The following CCDC171 variants were observed in gnomAD, a reference collection of about 807,000 sequenced individuals.
CCDC171 encodes coiled-coil domain-containing protein 171.
CCDC171 carries 177 observed loss-of-function variants against 168.2 expected under a neutral mutation model. The observed-to-expected ratio is 1.05, with a 90% CI of 0.93 to 1.19. The LOEUF is 1.19. Among genes scored for constraint, CCDC171 ranks in the 50% most tolerant of loss-of-function variants. CCDC171 has a pLI of 0.00. For missense variants in CCDC171, 1,991 were observed against 1,539.0 expected (o/e 1.29, Z -4.91); for synonymous variants, 687 against 540.8 (o/e 1.27, Z -3.75).
chr9:16,011,363 A>G (rs1195076811), intron 3 of CCDC171, among the ~76,000 whole-genome samples: 1 of 152,212 alleles, frequency 6.6e-6, no homozygotes, highest in East Asian at 1.9e-4. Flanking sequence ...AGCTGGAATG[A>G]AAGATGCAAT....
Position 15,794,838 on chromosome 9 carries a change from T to A in CCDC171, c.3267+10144T>A, listed in dbSNP as rs1434162937. Among the ~76,000 whole-genome samples the A allele has an allele frequency of 2.6e-5, 4 of 152,232 alleles. No individual in the cohort carries two copies. The South Asian group carries it at 6.2e-4, about 24-fold the overall frequency. On this transcript the variant is annotated intron_variant, in intron 21 of 25. Coordinates refer to ENST00000380701, the MANE Select transcript of CCDC171 (RefSeq NM_173550.4). ...ACCCAATGTAGTCGTGATGATTTTT[T>A]AAAAATATATTGCTGCACCCAGTTT...
intron 23 of CCDC171, among the ~76,000 whole-genome samples, chr9:15,850,866 G>T (rs1466586975): frequency 6.6e-6 from 1 of 151,890 alleles, no homozygotes; most frequent in Admixed American, 6.6e-5. Context: ...TCATGGGATG[G>T]TAAAAATGGA....
chr9:15,778,987 A>G lies in CCDC171; in HGVS notation c.2918A>G (p.Gln973Arg). The change falls in exon 20 of 26, where the codon CAG becomes CGG. Residue 973 changes from glutamine to arginine, a missense_variant. Gln to Arg is a conservative substitution (Grantham distance 43, BLOSUM62 1). Transcript: ENST00000380701. ...CAACAGAAAAGCACAGCATCGTTGC[A>G]GAAGCAAATACTTGGATTTACACAA... ...VPITKSTASL[Q>R]KQILGFTQRL... The G allele has an allele frequency of 5.9e-6, 9 of 1,536,052 alleles. No homozygotes were observed. Among genetic ancestry groups the G allele is most frequent in the African/African-American group, 1.4e-5 (1 of 71,860 alleles).
intron 23 of CCDC171, among the ~76,000 whole-genome samples, chr9:15,870,530 A>G (rs1290052137): frequency 1.3e-5 from 2 of 151,918 alleles, no homozygotes; most frequent in African/African-American, 4.8e-5. Context: ...CCAGGCATTC[A>G]GGATTCAGAC....
intron 20 of CCDC171, among the ~76,000 whole-genome samples, chr9:15,783,073 C>T (rs983554167): frequency 3.3e-5 from 5 of 152,024 alleles, no homozygotes; most frequent in South Asian, 4.1e-4. Flanking sequence ...GAGGAATGCA[C>T]CCTTAAAAAG....
chr9:15,833,151 C>T (rs138046549), intron 21 of CCDC171, among the ~76,000 whole-genome samples: 2,379 of 152,100 alleles, frequency 0.016, 74 homozygotes, highest in African/African-American at 0.054. Context: ...TCATGTCTGG[C>T]TAATTGTTTT....
chr9:15,804,265 A>G (rs762184522), intron 21 of CCDC171, among the ~76,000 whole-genome samples: 5 of 151,990 alleles, frequency 3.3e-5, no homozygotes, highest in East Asian at 1.9e-4. Flanking sequence ...TTTCAATACT[A>G]TGTTGAATAG....
chr9:15,587,739 C>G (rs1234039548), intron 4 of CCDC171: 1 of 431,860 alleles, frequency 2.3e-6, no homozygotes, highest in African/African-American at 2.0e-5. Flanking sequence ...TAGTTTCTAA[C>G]TTTTAATGAG....
At chr9:15,915,097 C>T (rs936533516) in intron 24 of CCDC171, among the ~76,000 whole-genome samples, 2 of 62,528 alleles carry the variant, frequency 3.2e-5, no homozygotes, top group Admixed American at 4.4e-4. Flanking sequence ...ATTCAGACAT[C>T]TTGCCAGGAA....
chr9:15,822,317 G>A (rs2059811586), intron 21 of CCDC171, among the ~76,000 whole-genome samples: 1 of 151,434 alleles, frequency 6.6e-6, no homozygotes, highest in Non-Finnish European at 1.5e-5. Flanking sequence ...GGCAAGAAAA[G>A]CCAGAATTGA....
chr9:15,954,774 G>C (rs1463846794), intron 25 of CCDC171, among the ~76,000 whole-genome samples: 1 of 150,998 alleles, frequency 6.6e-6, no homozygotes, highest in African/African-American at 2.4e-5. Context: ...GTTGTTGTTT[G>C]TTTCTTTCTA....
At chr9:15,678,171 A>G (rs2049776750) in intron 9 of CCDC171, among the ~76,000 whole-genome samples, 2 of 151,686 alleles carry the variant, frequency 1.3e-5, no homozygotes, top group South Asian at 4.1e-4. Flanking sequence ...ATGGACTGCC[A>G]AAGTGCTGGG....
At chr9:15,836,503 C>T (rs1254106390) in intron 21 of CCDC171, among the ~76,000 whole-genome samples, 2 of 152,150 alleles carry the variant, frequency 1.3e-5, no homozygotes, top group African/African-American at 4.8e-5. Flanking sequence ...GTAGCTGGGA[C>T]ACCACGTCCG....
intron 11 of CCDC171, among the ~76,000 whole-genome samples, chr9:15,704,429 C>T (rs1272741673): frequency 6.6e-6 from 1 of 152,092 alleles, no homozygotes; most frequent in Non-Finnish European, 1.5e-5. Context: ...TCTTTTTTAG[C>T]TACGGCAAGA....
At chr9:15,663,855 C>G (rs2048515176) in intron 8 of CCDC171, among the ~76,000 whole-genome samples, 1 of 152,096 alleles carries the variant, frequency 6.6e-6, no homozygotes. Flanking sequence ...ATCCGCCTGC[C>G]TCGGCCTCCC....
At chr9:15,562,520 C>G (rs986342608) in intron 1 of CCDC171, among the ~76,000 whole-genome samples, 3 of 152,106 alleles carry the variant, frequency 2.0e-5, no homozygotes, top group East Asian at 3.8e-4. Context: ...AAATAATGCA[C>G]TGAAGTATGA....
chr9:15,781,254 A>G (rs2057652840), intron 20 of CCDC171, among the ~76,000 whole-genome samples: 1 of 152,192 alleles, frequency 6.6e-6, no homozygotes, highest in Non-Finnish European at 1.5e-5. Context: ...AATTTCTAGA[A>G]TCTAGAGAGA....
intron 2 of CCDC171, among the ~76,000 whole-genome samples, chr9:15,569,721 A>G (rs2040049373): frequency 6.6e-6 from 1 of 151,692 alleles, no homozygotes; most frequent in African/African-American, 2.4e-5. Context: ...AGGCTGAGGC[A>G]GGAGAATGGC....
chr9:15,998,421 A>G (rs1354988993), intron 3 of CCDC171, among the ~76,000 whole-genome samples: 2 of 152,282 alleles, frequency 1.3e-5, no homozygotes, highest in South Asian at 2.1e-4. Context: ...GATGCTATGT[A>G]GTTCCAAGTC....
Sources: allele counts gnomAD v4.1 joint callset (sites outside exome capture counted in the v4.1 genomes callset), GRCh38; gene constraint gnomAD v4.1.1; transcripts MANE v1.5; gene names NCBI Gene and HGNC (gene_info 2026-07-23, HGNC 2026-07-21).